Variants in ITGB2 observed in about 807,000 individuals in gnomAD.
ITGB2 encodes integrin beta-2.
A neutral mutation model predicts 86.8 loss-of-function variants in ITGB2; 56 were observed. The ratio of observed to expected loss-of-function variants is 0.65; its 90% confidence interval spans 0.52 to 0.81. The LOEUF (loss-of-function observed/expected upper bound fraction) is 0.81, where lower values mean the gene tolerates loss of function less well. Ranked by LOEUF, ITGB2 falls within the 30% of genes least tolerant of loss-of-function variation. ITGB2 has a pLI of 0.00. For missense variants in ITGB2, 948 were observed against 1,061.2 expected, an observed-to-expected ratio of 0.89 and a Z score of 1.48; for synonymous variants, 457 against 450.4, an observed-to-expected ratio of 1.01 and a Z score of -0.19.
Position 44,900,492 on chromosome 21 carries a change from G to T in ITGB2, c.742-17C>A, listed in dbSNP as rs754075949. On this transcript the variant is annotated splice_polypyrimidine_tract_variant and intron_variant, in intron 6 of 15. Transcript: ENST00000652462. ...GATTTCCTCCTGAGAAGAAGGCGTG[G>T]GGGGCAGGGTTACCTGCCTCAGTTT... The T allele has an allele frequency of 1.2e-6, 2 of 1,613,114 alleles. No individual in the cohort carries two copies. The highest frequency in any genetic ancestry group is 1.1e-5 in the South Asian group (1 of 91,062).
chr21:44,891,339 C>T (rs1192510510), intron 11 of ITGB2, among the ~76,000 whole-genome samples: 1 of 152,096 alleles, frequency 6.6e-6, no homozygotes, highest in East Asian at 1.9e-4. Flanking sequence ...TCCCAGGAGG[C>T]TCTCTAGCCA....
intron 3 of ITGB2, 127 bp from the exon 4 acceptor site, chr21:44,907,222 G>A: frequency 2.8e-6 from 2 of 701,944 alleles, no homozygotes; most frequent in Non-Finnish European, 2.3e-6. Flanking sequence ...TGGGACAGAA[G>A]TCCCTGTGGA....
Position 44,891,890 on chromosome 21 carries a change from T to C in ITGB2, c.1331A>G (p.Gln444Arg), listed in dbSNP as rs2083790433. 1.2e-6 allele frequency: 2 copies of C among 1,613,000 alleles called. No individual in the cohort carries two copies. The highest frequency in any genetic ancestry group is 1.7e-6 in the Non-Finnish European group (2 of 1,179,972). ...TDIVTVQVLPQCECRCRDQSR... is the reference protein window; with the variant it reads ...TDIVTVQVLPRCECRCRDQSR... ...CTGGTCCCGGCACCGGCACTCACACTGGGGAAGAACCTGCACGGTCACTAT... is the reference window on the plus strand; with the variant it reads ...CTGGTCCCGGCACCGGCACTCACACCGGGGAAGAACCTGCACGGTCACTAT... The change falls in exon 11 of 16, where the codon CAG (glutamine) becomes CGG (arginine). Residue 444 changes from glutamine (Q) to arginine (R), a missense_variant. By Grantham distance (43) the Gln-to-Arg change is conservative. Coordinates refer to ENST00000652462, the MANE Select transcript of ITGB2 (RefSeq NM_000211.5).
chr21:44,891,781 G>A (rs376080820), intron 11 of ITGB2, 28 bp downstream of exon 11: 1 of 1,599,302 alleles, frequency 6.3e-7, no homozygotes, highest in Non-Finnish European at 8.5e-7. Context: ...CTCGGGGATG[G>A]TTCAACAGGG....
intron 13 of ITGB2, 85 bp downstream of exon 13, chr21:44,889,190 TG>T: frequency 7.4e-7 from 1 of 1,349,950 alleles, no homozygotes; most frequent in Non-Finnish European, 1.1e-6. Context: ...AGGTGCTCAC[TG>T]GGGTCCCCGA....
chr21:44,900,625 T>G, intron 6 of ITGB2, 150 bp from the exon 7 acceptor site: 1 of 924,428 alleles, frequency 1.1e-6, no homozygotes, highest in Middle Eastern at 3.4e-4. Flanking sequence ...CCAGCTGTGT[T>G]CCCCCAGACG....
intron 2 of ITGB2, 32 bp downstream of exon 2, chr21:44,910,693 G>C (rs367741178): frequency 2.5e-6 from 4 of 1,608,626 alleles, no homozygotes; most frequent in Non-Finnish European, 8.5e-7. Context: ...AATGTCACGC[G>C]TGGAGTCCCC....
chr21:44,898,399 G>T (rs2083899430), intron 8 of ITGB2, among the ~76,000 whole-genome samples: 1 of 152,222 alleles, frequency 6.6e-6, no homozygotes. Context: ...GGCAGCGGCT[G>T]GCACCCAGGA....
At chr21:44,904,392 C>T (rs970114216) in intron 4 of ITGB2, among the ~76,000 whole-genome samples, 4 of 151,734 alleles carry the variant, frequency 2.6e-5, no homozygotes, top group Non-Finnish European at 1.5e-5. Context: ...ACACACAATA[C>T]TCACACACAA....
At chr21:44,906,226 G>T (rs117114747) in intron 4 of ITGB2, among the ~76,000 whole-genome samples, 1,980 of 135,470 alleles carry the variant, frequency 0.015, 20 homozygotes, top group South Asian at 0.048. Flanking sequence ...ACAGAATCTC[G>T]CCCTGTCGCC....
At chr21:44,894,593 T>A in intron 9 of ITGB2, 1 of 342,006 alleles carries the variant, frequency 2.9e-6, no homozygotes, top group Non-Finnish European at 5.7e-6. Context: ...CCCCAGGGTG[T>A]CTTCCCAGGG....
intron 3 of ITGB2, 90 bp from the exon 4 acceptor site, chr21:44,907,185 G>A: frequency 1.1e-6 from 1 of 938,298 alleles, no homozygotes; most frequent in South Asian, 1.6e-5. Flanking sequence ...GACCCACCCT[G>A]TCCCCTCCTC....
rs556303339 is a variant in ITGB2, at chr21:44,908,327, G to T, written c.148-1232C>A. On this transcript the variant is annotated intron_variant, in intron 3 of 15. Transcript: ENST00000652462. ...AGAAAAGAGAGAAAGCAAAAAGTTG[G>T]AAAGAAACAGAAGTAAGATAAATAG... The T allele has an allele frequency of 5.2e-4, 243 of 470,366 alleles. 1 individual carries two copies. Among genetic ancestry groups the T allele is most frequent in the South Asian group, 2.0e-3 (45 of 22,842 alleles). The allele number at this position is 470,366 out of a possible 1,614,324, so 29.1% of individuals were successfully genotyped here.
intron 5 of ITGB2, among the ~76,000 whole-genome samples, chr21:44,902,702 TGA>T (rs138598863): frequency 0.02 from 2,969 of 150,966 alleles, 54 homozygotes; most frequent in Non-Finnish European, 0.031. Flanking sequence ...CATTTGTGTG[TGA>T]GTGTGCATTG....
intron 3 of ITGB2, among the ~76,000 whole-genome samples, chr21:44,908,376 C>G (rs2084076984): frequency 6.6e-6 from 1 of 151,960 alleles, no homozygotes; most frequent in East Asian, 1.9e-4. Flanking sequence ...GCGCCACCAC[C>G]CGGCCCTGGT....
chr21:44,888,827 C>A lies in ITGB2; in HGVS notation c.1946G>T (p.Gly649Val). 1.2e-6 allele frequency: 2 copies of A among 1,610,978 alleles called. No homozygotes were observed. The highest frequency in any genetic ancestry group is 1.7e-6 in the Non-Finnish European group (2 of 1,179,966). ...CACGGGGTTGTTCGACAGCTGCAGG[C>A]CCGGACACGCCGCGCTGCAGTTCTT... is the stretch of plus-strand genomic sequence containing the variant. ...FGKNCSAACP[G>V]LQLSNNPVKG... Residue 649 changes from glycine (G) to valine (V), a missense_variant, in exon 14 of 16, where the codon GGC becomes GTC. Gly to Val is a moderately radical substitution (Grantham distance 109, BLOSUM62 -3). Coordinates refer to ENST00000652462, the MANE Select transcript of ITGB2 (RefSeq NM_000211.5).
chr21:44,900,648 G>A (rs1230747845), intron 6 of ITGB2, among the ~76,000 whole-genome samples, 173 bp from the exon 7 acceptor site: 1 of 117,808 alleles, frequency 8.5e-6, no homozygotes, highest in Non-Finnish European at 2.2e-5. Flanking sequence ...ACGCCCAGGA[G>A]GAGACAACGG....
At chr21:44,889,904 G>T in intron 12 of ITGB2, 74 bp downstream of exon 12, 1 of 1,591,656 alleles carries the variant, frequency 6.3e-7, no homozygotes, top group Non-Finnish European at 8.6e-7. Flanking sequence ...TCGTTGAATG[G>T]TCCAGAACGC....
chr21:44,912,252 GGCTTTGAAGACAGCGCTGGGT>G (rs2084145408), intron 1 of ITGB2, among the ~76,000 whole-genome samples: 1 of 152,166 alleles, frequency 6.6e-6, no homozygotes, highest in African/African-American at 2.4e-5. Flanking sequence ...AGGGCCTGCC[GGCTTTGAAGACAGCGCTGGGT>G]GCTGTGCTGT....
Sources: allele counts gnomAD v4.1 joint callset (sites outside exome capture counted in the v4.1 genomes callset), GRCh38; gene constraint gnomAD v4.1.1; transcripts MANE v1.5; gene names NCBI Gene and HGNC (gene_info 2026-07-23, HGNC 2026-07-21).